RAD52: variants seen among roughly 807,000 people sequenced by gnomAD.
RAD52 encodes RAD52 DNA repair protein, also known as DNA repair protein RAD52 homolog.
A neutral mutation model predicts 55.5 loss-of-function variants in RAD52; 47 were observed. The ratio of observed to expected loss-of-function variants is 0.85; its 90% CI spans 0.67 to 1.08. RAD52 has a LOEUF of 1.08. Ranked by LOEUF, RAD52 falls within the 50% of genes least tolerant of loss-of-function variation. The pLI is 0.00. For missense variants in RAD52, 468 were observed against 522.8 expected (o/e 0.90, Z 1.02); for synonymous variants, 184 against 198.9 (o/e 0.92, Z 0.63).
intron 1 of RAD52, among the ~76,000 whole-genome samples, chr12:968,670 C>A (rs1295286919): frequency 6.6e-6 from 1 of 152,064 alleles, no homozygotes; most frequent in Non-Finnish European, 1.5e-5. Context: ...AATGGTACGT[C>A]CCTAGGAGCT....
At chr12:982,535 T>A (rs141356659) in intron 1 of RAD52, among the ~76,000 whole-genome samples, 4 of 152,200 alleles carry the variant, frequency 2.6e-5, no homozygotes, top group African/African-American at 9.6e-5. Context: ...AAATTCTTTG[T>A]GGAAGAAAGG....
intron 1 of RAD52, among the ~76,000 whole-genome samples, chr12:956,158 ACTT>A (rs1347846362): frequency 2.0e-5 from 3 of 152,116 alleles, no homozygotes; most frequent in Admixed American, 2.0e-4. Context: ...TCTTCTGGGA[ACTT>A]TTTTGTTCAT....
intron 1 of RAD52, among the ~76,000 whole-genome samples, chr12:962,255 A>G (rs1047598667): frequency 6.6e-6 from 1 of 152,178 alleles, no homozygotes; most frequent in Non-Finnish European, 1.5e-5. Flanking sequence ...ACCAATTCTA[A>G]TAAGAGCAGT....
At chr12:983,461 G>T (rs1282413243) in intron 1 of RAD52, among the ~76,000 whole-genome samples, 2 of 142,040 alleles carry the variant, frequency 1.4e-5, no homozygotes, top group African/African-American at 5.5e-5. Flanking sequence ...TTGTTGCCCA[G>T]ACTGGAGAGC....
chr12:973,204 GGA>G (rs1958889881), intron 1 of RAD52, among the ~76,000 whole-genome samples: 1 of 151,994 alleles, frequency 6.6e-6, no homozygotes, highest in South Asian at 2.1e-4. Flanking sequence ...CAAGTAGCTG[GGA>G]CTACAGGCGC....
chr12:915,918 T>C (rs1262748386), intron 9 of RAD52, among the ~76,000 whole-genome samples: 1 of 152,174 alleles, frequency 6.6e-6, no homozygotes, highest in Admixed American at 6.5e-5. Context: ...GGTTTCGCCA[T>C]GATGGCCAGG....
rs1956173436 is a variant in RAD52 at position 912,880 on chromosome 12, A to C, written c.*511T>G. On this transcript the variant is annotated 3_prime_UTR_variant, in exon 12 of 12. Transcript: ENST00000358495. ...ATATTAAATGAAGATTGTAGCCTGG[A>C]TTGATACAAAGTAGTGAAAAGCACT... 1 of 197,824 alleles carries C rather than the reference A, an allele frequency of 5.1e-6. No individual in the cohort carries two copies. Among genetic ancestry groups the C allele is most frequent in the Non-Finnish European group, 1.0e-5 (1 of 95,692 alleles). The allele number at this position is 197,824 out of a possible 1,614,324, so 12.3% of individuals were successfully genotyped here.
chr12:943,278 G>T (rs1007963298), intron 1 of RAD52, among the ~76,000 whole-genome samples: 2 of 152,168 alleles, frequency 1.3e-5, no homozygotes, highest in Admixed American at 1.3e-4. Flanking sequence ...AAAACCAAAG[G>T]CCGACTCCAA....
chr12:983,185 G>T (rs7309581), intron 1 of RAD52, among the ~76,000 whole-genome samples: 151,379 of 152,196 alleles, frequency 0.99, 75,286 homozygotes, highest in Middle Eastern at 1. Flanking sequence ...CTCAAAACTC[G>T]TTCACTCTCT....
At chr12:945,598 T>C (rs1444658474) in intron 1 of RAD52, among the ~76,000 whole-genome samples, 1 of 151,252 alleles carries the variant, frequency 6.6e-6, no homozygotes, top group East Asian at 2.0e-4. Context: ...CACACCCAGC[T>C]AATTTTCTGT....
chr12:953,876 G>A (rs960932976), upstream of RAD52, among the ~76,000 whole-genome samples: 1 of 152,108 alleles, frequency 6.6e-6, no homozygotes, highest in African/African-American at 2.4e-5. Context: ...AACTGTGTGA[G>A]AGCGTTCCGT....
At chr12:986,974 T>G (rs1959094416) in intron 1 of RAD52, among the ~76,000 whole-genome samples, 1 of 152,024 alleles carries the variant, frequency 6.6e-6, no homozygotes, top group African/African-American at 2.4e-5. Flanking sequence ...TTTTTTAAAA[T>G]TTATTTTTAT....
chr12:913,615 G>A (rs1044882792), intron 11 of RAD52, among the ~76,000 whole-genome samples, 163 bp from the exon 12 acceptor site: 3 of 152,150 alleles, frequency 2.0e-5, no homozygotes, highest in African/African-American at 4.8e-5. Flanking sequence ...AAGTGGCCTC[G>A]TGCTCATGAC....
At chr12:927,025 C>A in intron 6 of RAD52, 120 bp downstream of exon 6, 1 of 1,527,044 alleles carries the variant, frequency 6.5e-7, no homozygotes, top group South Asian at 1.1e-5. Flanking sequence ...TGAGAATTAC[C>A]TTCCACGCTG....
Position 912,742 on chromosome 12 carries a change from A to AAC in RAD52, c.*648_*649insGT, listed in dbSNP as rs1555167487. 3 of 121,698 alleles carry AAC rather than the reference A, an allele frequency of 2.5e-5. No individual in the cohort carries two copies. The East Asian group carries it at 4.8e-4, about 20-fold the overall frequency. The allele number at this position is 121,698 out of a possible 1,614,324, so 7.5% of individuals were successfully genotyped here. ...CGTCTCAAAAAAAAAAAAAAAAAAA[A>AAC]AAACAAAAAACAGCCTTTTTTCGTG... On this transcript the variant is annotated 3_prime_UTR_variant, in exon 12 of 12. Coordinates refer to ENST00000358495, the MANE Select transcript of RAD52 (RefSeq NM_134424.4).
At chr12:964,577 C>T (rs1392905517) in intron 1 of RAD52, among the ~76,000 whole-genome samples, 2 of 151,896 alleles carry the variant, frequency 1.3e-5, no homozygotes, top group African/African-American at 4.8e-5. Flanking sequence ...CAATCAGATT[C>T]CTACTGCAAA....
At chr12:931,119 C>T in intron 3 of RAD52, 101 bp downstream of exon 3, 1 of 926,520 alleles carries the variant, frequency 1.1e-6, no homozygotes, top group Non-Finnish European at 1.7e-6. Context: ...GAACAGTTAA[C>T]AGCAGACTTC....
intron 1 of RAD52, among the ~76,000 whole-genome samples, chr12:971,843 G>A (rs1958861025): frequency 6.6e-6 from 1 of 152,030 alleles, no homozygotes; most frequent in Non-Finnish European, 1.5e-5. Context: ...CGCCCCCCGG[G>A]GTTCACGCCA....
rs190759730 is a variant in RAD52, at chr12:935,572, G to A, written c.-18-2496C>T. The stretch of plus-strand genomic sequence containing the variant: ...AATTTTGCATTTTTAGTAGAGACAG[G>A]GCCGGGCGTGGTGGCTCACGCCTGT... On this transcript the variant is annotated intron_variant, in intron 1 of 11. Coordinates refer to ENST00000358495, the MANE Select transcript of RAD52 (RefSeq NM_134424.4). 1.7e-3 allele frequency among the ~76,000 whole-genome samples: 256 copies of A among 151,692 alleles called. 1 individual carries two copies. The highest frequency in any genetic ancestry group is 3.0e-3 in the Non-Finnish European group (206 of 67,892).
Sources: allele counts gnomAD v4.1 joint callset (sites outside exome capture counted in the v4.1 genomes callset), GRCh38; gene constraint gnomAD v4.1.1; transcripts MANE v1.5; gene names NCBI Gene and HGNC (gene_info 2026-07-23, HGNC 2026-07-21).